KIN: variants seen among roughly 807,000 people sequenced by gnomAD.
The protein encoded by KIN is Kin17 DNA and RNA binding protein, also known as DNA/RNA-binding protein KIN17.
Under a neutral mutation model 63.0 loss-of-function variants are expected in KIN, and 47 were observed. The observed-to-expected ratio is 0.75, with a 90% CI of 0.59 to 0.95. The LOEUF (loss-of-function observed/expected upper bound fraction) is 0.95. Among genes scored for constraint, KIN ranks in the 40% least tolerant of loss-of-function variants. The pLI is 0.00. For synonymous variants in KIN, 160 were observed against 157.7 expected (o/e 1.01, Z -0.11); for missense variants, 408 against 460.9 (o/e 0.89, Z 1.05).
In KIN at chr10:7,755,137, C is replaced by T. The variant is rs1218370365; in HGVS notation, c.*943G>A. ...GTAGGACTGTAAAATGGTATAGCTG[C>T]TCTGGAAGAGTTTGGCAGAAGCGAA... On this transcript the variant is annotated 3_prime_UTR_variant, in exon 13 of 13. Transcript: ENST00000379562. 6.6e-6 allele frequency: 1 copy of T among 152,210 alleles called. No individual in the cohort carries two copies. Among genetic ancestry groups the T allele is most frequent in the Non-Finnish European group, 1.5e-5 (1 of 68,044 alleles). 9.4% of individuals were successfully genotyped at this position (152,210 alleles called of 1,614,324 possible).
intron 7 of KIN, among the ~76,000 whole-genome samples, chr10:7,771,448 C>T (rs1416476936): frequency 6.6e-6 from 1 of 152,124 alleles, no homozygotes; most frequent in Non-Finnish European, 1.5e-5. Context: ...ATTTTTCTGC[C>T]TTCTGACTCC....
In KIN at chr10:7,755,982, A is replaced by T; in HGVS notation, c.*98T>A. On this transcript the variant is annotated 3_prime_UTR_variant, in exon 13 of 13. Coordinates refer to ENST00000379562, the MANE Select transcript of KIN (RefSeq NM_012311.4). Reference sequence around the variant, plus strand: ...TTTCAAAAACCTGTTTGTTTTATACAAAAGAATATACCCTAACACAGTAGA... The same window carrying T: ...TTTCAAAAACCTGTTTGTTTTATACTAAAGAATATACCCTAACACAGTAGA... 1.6e-6 allele frequency: 1 copy of T among 638,964 alleles called. No homozygotes were observed. Among genetic ancestry groups the T allele is most frequent in the Non-Finnish European group, 2.7e-6 (1 of 374,150 alleles). 39.6% of individuals were successfully genotyped at this position (638,964 alleles called of 1,614,324 possible).
intron 2 of KIN, among the ~76,000 whole-genome samples, chr10:7,782,292 T>C (rs1385982872): frequency 6.6e-6 from 1 of 152,080 alleles, no homozygotes; most frequent in Non-Finnish European, 1.5e-5. Flanking sequence ...CTAATCTGAA[T>C]TGAATATAGG....
chr10:7,777,897 C>A (rs1835812392), intron 5 of KIN, among the ~76,000 whole-genome samples: 2 of 86,366 alleles, frequency 2.3e-5, no homozygotes, highest in African/African-American at 1.4e-4. Flanking sequence ...AGACTCCGTC[C>A]CCCCCCCAAA....
chr10:7,787,829 G>A lies in KIN; in HGVS notation c.105C>T (p.Cys35=). The A allele has an allele frequency of 6.2e-7, 1 of 1,612,826 alleles. No homozygotes were observed. The highest frequency in any genetic ancestry group is 1.7e-4 in the Middle Eastern group (1 of 6,060). The change falls in exon 1 of 13, where the codon TGC becomes TGT. Residue 35 remains cysteine (C), a synonymous_variant. Transcript: ENST00000379562. ...RWYCQMCQKQ[C]RDENGFKCHC... The stretch of plus-strand genomic sequence containing the variant: ...CTCCGGGCCCACTCACCTCGTCCCG[G>A]CACTGCTTCTGGCACATCTGGCAAT...
intron 6 of KIN, 96 bp from the exon 7 acceptor site, chr10:7,774,987 C>T: frequency 1.1e-6 from 1 of 878,006 alleles, no homozygotes; most frequent in Non-Finnish European, 1.8e-6. Flanking sequence ...AGAGGAACTC[C>T]AGGACATTTT....
chr10:7,763,165 A>G (rs1035999940), intron 10 of KIN, among the ~76,000 whole-genome samples: 1 of 152,176 alleles, frequency 6.6e-6, no homozygotes, highest in Non-Finnish European at 1.5e-5. Context: ...CTGAGGCAGG[A>G]CAATCACTTG....
rs1369976070 is a variant in KIN, at chr10:7,756,019, C to T, written c.*61G>A. On this transcript the variant is annotated 3_prime_UTR_variant, in exon 13 of 13. Transcript: ENST00000379562. The stretch of plus-strand genomic sequence containing the variant: ...CCTAACACAGTAGAGTCTCATAATG[C>T]CTTGGCGAACACCAATTTGATGCTT... The T allele has an allele frequency of 6.1e-6, 6 of 982,340 alleles. No homozygotes were observed. In the East Asian group the frequency reaches 1.5e-4, roughly 24 times the overall value. 60.9% of individuals were successfully genotyped at this position (982,340 alleles called of 1,614,324 possible).
intron 1 of KIN, 39 bp downstream of exon 1, chr10:7,787,781 G>A (rs1362030382): frequency 1.4e-6 from 2 of 1,477,846 alleles, no homozygotes; most frequent in South Asian, 2.3e-5. Flanking sequence ...ATTGCCAGGG[G>A]CCCTCCTGGG....
chr10:7,758,618 G>A (rs137928876), intron 12 of KIN, among the ~76,000 whole-genome samples: 1 of 150,938 alleles, frequency 6.6e-6, no homozygotes, highest in East Asian at 2.0e-4. Flanking sequence ...CATGAAACAG[G>A]ATCTGCATTT....
At chr10:7,759,818 A>G (rs746519603) in intron 12 of KIN, 72 bp downstream of exon 12, 1 of 786,770 alleles carries the variant, frequency 1.3e-6, no homozygotes, top group South Asian at 1.5e-5. Flanking sequence ...ATAAAGAACA[A>G]TCCAATTAAA....
At chr10:7,775,025 T>C (rs1007712518) in intron 6 of KIN, 134 bp from the exon 7 acceptor site, 2 of 654,218 alleles carry the variant, frequency 3.1e-6, no homozygotes, top group South Asian at 3.7e-5. Context: ...AATGTTCCTA[T>C]ACGGAGACCA....
intron 4 of KIN, 59 bp from the exon 5 acceptor site, chr10:7,779,078 A>T: frequency 1.3e-6 from 2 of 1,553,662 alleles, no homozygotes; most frequent in Non-Finnish European, 1.8e-6. Flanking sequence ...CATAAATATG[A>T]ATGTGTTTCA....
In KIN at chr10:7,771,358, C is replaced by A. The variant is rs189456918; in HGVS notation, c.669-2013G>T. On this transcript the variant is annotated intron_variant, in intron 7 of 12. Coordinates refer to ENST00000379562, the MANE Select transcript of KIN (RefSeq NM_012311.4). ...TCTCATGTTCACAAACCACCTACTT[C>A]CTATCATAATCTGTTGGAAATGCTT... Among the ~76,000 whole-genome samples the A allele has an allele frequency of 2.6e-5, 4 of 152,126 alleles. No homozygotes were observed. In the East Asian group the frequency reaches 5.8e-4, roughly 22 times the overall value.
At chr10:7,763,996 C>T (rs1377586252) in intron 9 of KIN, among the ~76,000 whole-genome samples, 3 of 152,068 alleles carry the variant, frequency 2.0e-5, no homozygotes, top group East Asian at 1.9e-4. Flanking sequence ...TTCTGTTCAA[C>T]GTGGTTAGCA....
At chr10:7,787,368 T>C (rs191056185) in intron 1 of KIN, among the ~76,000 whole-genome samples, 1 of 152,322 alleles carries the variant, frequency 6.6e-6, no homozygotes, top group Admixed American at 6.5e-5. Flanking sequence ...GCTCAATAAA[T>C]GCTTGCTAGA....
In KIN at chr10:7,753,740, C is replaced by G. The variant is rs1835278893; in HGVS notation, c.*2340G>C. On this transcript the variant is annotated 3_prime_UTR_variant, in exon 13 of 13. Transcript: ENST00000379562. Reference sequence around the variant, plus strand: ...CCCACACCCAAAACCCAGTTGCTTTCCATAATGTGCTGTCAGGTTACTTTG... The same window carrying G: ...CCCACACCCAAAACCCAGTTGCTTTGCATAATGTGCTGTCAGGTTACTTTG... The G allele has an allele frequency of 5.8e-6, 1 of 172,010 alleles. No individual in the cohort carries two copies. The highest frequency in any genetic ancestry group is 6.2e-5 in the Admixed American group (1 of 16,226). The allele number at this position is 172,010 out of a possible 1,614,324, so 10.7% of individuals were successfully genotyped here.
At position 7,774,769 on chromosome 10, in the gene KIN, C is replaced by T. The variant is rs1333559867; in HGVS notation, c.668+62G>A. On this transcript the variant is annotated intron_variant, in intron 7 of 12. Transcript: ENST00000379562. ...AAATGATTCACAATACTTTAAAATA[C>T]AGTAACCAATATTTCACAAAAATCC... is the stretch of plus-strand genomic sequence containing the variant. 1.3e-5 allele frequency: 16 copies of T among 1,261,780 alleles called. No individual in the cohort carries two copies. In the African/African-American group the frequency reaches 1.8e-4, roughly 14 times the overall value. 78.2% of individuals were successfully genotyped at this position (1,261,780 alleles called of 1,614,324 possible).
In KIN at chr10:7,770,227, G is replaced by C. The variant is rs1046752966; in HGVS notation, c.669-882C>G. On this transcript the variant is annotated intron_variant, in intron 7 of 12. Coordinates refer to ENST00000379562, the MANE Select transcript of KIN (RefSeq NM_012311.4). ...ATTACAGGCGTAAGCCACCGTGCCC[G>C]GCTGACAGTGTAAATTCTAAATTCT... 1.2e-4 allele frequency among the ~76,000 whole-genome samples: 18 copies of C among 152,210 alleles called. No homozygotes were observed. In the South Asian group the frequency reaches 1.9e-3, roughly 16 times the overall value.
Sources: gnomAD v4.1 joint callset for allele counts (sites outside exome capture counted in the v4.1 genomes callset) on GRCh38, gnomAD v4.1.1 for gene constraint, MANE v1.5 for transcripts, NCBI Gene and HGNC (gene_info 2026-07-23, HGNC 2026-07-21) for gene names.